Variants in ANKS1B observed in about 807,000 individuals in gnomAD.
The protein encoded by ANKS1B is ankyrin repeat and sterile alpha motif domain containing 1B.
In ANKS1B, 36 loss-of-function variants were observed where a neutral mutation model predicts 148.3. The observed-to-expected ratio is 0.24, with a 90% CI of 0.19 to 0.32. The LOEUF is 0.32. Among genes scored for constraint, ANKS1B ranks in the 10% least tolerant of loss-of-function variants. The pLI is 1.00. For synonymous variants in ANKS1B, 542 were observed against 560.8 expected, an observed-to-expected ratio of 0.97 and a Z score of 0.47; for missense variants, 1,157 against 1,542.6, an observed-to-expected ratio of 0.75 and a Z score of 4.19.
In ANKS1B at chr12:99,213,220, G is replaced by A. The variant is rs576676825; in HGVS notation, c.2419+31122C>T. 1.5e-4 allele frequency among the ~76,000 whole-genome samples: 23 copies of A among 152,292 alleles called. 1 individual carries two copies. The highest frequency in any genetic ancestry group is 1.0e-3 in the South Asian group (5 of 4,828). ...TGGCTATAGCGTCATTTCAGCATCC[G>A]CACGGCCTGCTTCTCTCTACCCAGA... On this transcript the variant is annotated intron_variant, in intron 14 of 26. Transcript: ENST00000683438.
At chr12:99,298,975 C>G (rs2081258798) in intron 12 of ANKS1B, among the ~76,000 whole-genome samples, 1 of 151,890 alleles carries the variant, frequency 6.6e-6, no homozygotes, top group African/African-American at 2.4e-5. Flanking sequence ...TCTGGAAACA[C>G]AAGGCTATAG....
At chr12:98,770,459 T>C (rs1593191114) in intron 25 of ANKS1B, among the ~76,000 whole-genome samples, 1 of 152,240 alleles carries the variant, frequency 6.6e-6, no homozygotes, top group African/African-American at 2.4e-5. Flanking sequence ...TTGTAAACCC[T>C]GAATGAAATG....
chr12:99,016,090 A>G (rs1419154289), intron 17 of ANKS1B, among the ~76,000 whole-genome samples: 1 of 152,196 alleles, frequency 6.6e-6, no homozygotes, highest in African/African-American at 2.4e-5. Flanking sequence ...TCTCAGGTAG[A>G]GTTTTATGAA....
At chr12:99,398,400 T>C (rs1229513484) in intron 12 of ANKS1B, among the ~76,000 whole-genome samples, 1 of 152,176 alleles carries the variant, frequency 6.6e-6, no homozygotes, top group Non-Finnish European at 1.5e-5. Flanking sequence ...AAAGATTATA[T>C]GGAATACTCA....
chr12:99,934,671 G>T (rs572045109), intron 1 of ANKS1B, among the ~76,000 whole-genome samples: 1 of 151,966 alleles, frequency 6.6e-6, no homozygotes, highest in East Asian at 1.9e-4. Context: ...CTGGCTAAAG[G>T]TTTCCCAATT....
intron 9 of ANKS1B, chr12:99,649,162 TATAC>T: frequency 1.3e-6 from 1 of 769,814 alleles, no homozygotes; most frequent in Non-Finnish European, 2.2e-6. Flanking sequence ...TTGCCACTTA[TATAC>T]ATTGGTGGCA....
intron 9 of ANKS1B, among the ~76,000 whole-genome samples, chr12:99,608,606 C>A (rs1007634102): frequency 2.6e-5 from 4 of 151,960 alleles, no homozygotes; most frequent in African/African-American, 9.7e-5. Flanking sequence ...ACCCTTGGTA[C>A]CCCAAATGCC....
intron 1 of ANKS1B, among the ~76,000 whole-genome samples, chr12:99,830,296 ATTGT>A (rs979168745): frequency 6.6e-6 from 1 of 152,212 alleles, no homozygotes; most frequent in African/African-American, 2.4e-5. Context: ...ACACCTAATA[ATTGT>A]TTGTTATCAA....
intron 1 of ANKS1B, among the ~76,000 whole-genome samples, chr12:99,850,316 T>TCTCTCTCTCTCTCTCTCTCTCTCC (rs1237323146): frequency 6.6e-6 from 1 of 151,232 alleles, no homozygotes; most frequent in African/African-American, 2.4e-5. Context: ...TCTCTCTCTC[T>TCTCTCTCTCTCTCTCTCTCTCTCC]CTCACCTACT....
intron 15 of ANKS1B, among the ~76,000 whole-genome samples, chr12:99,100,809 C>T (rs962770893): frequency 1.3e-5 from 2 of 152,212 alleles, no homozygotes; most frequent in African/African-American, 2.4e-5. Context: ...GGATTACAGG[C>T]GTCAGCCACT....
At chr12:99,583,783 T>C (rs1479063706) in intron 9 of ANKS1B, among the ~76,000 whole-genome samples, 1 of 152,224 alleles carries the variant, frequency 6.6e-6, no homozygotes, top group Non-Finnish European at 1.5e-5. Context: ...TATGGTAGGA[T>C]AAGCAACAGA....
At chr12:99,539,217 G>C (rs1033417016) in intron 9 of ANKS1B, among the ~76,000 whole-genome samples, 2 of 152,060 alleles carry the variant, frequency 1.3e-5, no homozygotes, top group African/African-American at 4.8e-5. Context: ...ATATAAGATA[G>C]TATAAATGTA....
intron 12 of ANKS1B, among the ~76,000 whole-genome samples, chr12:99,369,195 C>A (rs2152459784): frequency 6.6e-6 from 1 of 152,236 alleles, no homozygotes; most frequent in African/African-American, 2.4e-5. Flanking sequence ...TAATGTGATG[C>A]AATATAAGGT....
chr12:99,375,896 C>T (rs930996001), intron 12 of ANKS1B, among the ~76,000 whole-genome samples: 5 of 152,152 alleles, frequency 3.3e-5, no homozygotes, highest in African/African-American at 1.2e-4. Context: ...CTCTCTCTTC[C>T]TCTAAATCCA....
intron 12 of ANKS1B, among the ~76,000 whole-genome samples, chr12:99,251,348 T>C (rs1602080212): frequency 6.6e-6 from 1 of 152,368 alleles, no homozygotes; most frequent in South Asian, 2.1e-4. Context: ...TTTGACATAA[T>C]AATCATGTGG....
At chr12:98,842,333 T>C (rs998921578) in intron 17 of ANKS1B, among the ~76,000 whole-genome samples, 3 of 152,170 alleles carry the variant, frequency 2.0e-5, no homozygotes, top group African/African-American at 4.8e-5. Flanking sequence ...CACAAGATGA[T>C]AGAATATTGT....
chr12:99,818,269 G>T (rs2153673824), intron 2 of ANKS1B, among the ~76,000 whole-genome samples: 1 of 151,860 alleles, frequency 6.6e-6, no homozygotes, highest in South Asian at 2.1e-4. Context: ...ATCCACAAAG[G>T]AACACATCGC....
chr12:99,241,370 G>A (rs539276418), intron 14 of ANKS1B, among the ~76,000 whole-genome samples: 1 of 152,242 alleles, frequency 6.6e-6, no homozygotes, highest in Admixed American at 6.5e-5. Context: ...TCTCTGAATA[G>A]ACCAATAACA....
chr12:98,942,420 C>T (rs906986632), intron 17 of ANKS1B, among the ~76,000 whole-genome samples: 4 of 152,180 alleles, frequency 2.6e-5, no homozygotes, highest in African/African-American at 9.7e-5. Context: ...CAAGACCTAT[C>T]TCTGCAAGCA....
Sources: allele counts gnomAD v4.1 joint callset (sites outside exome capture counted in the v4.1 genomes callset), GRCh38; gene constraint gnomAD v4.1.1; transcripts MANE v1.5; gene names NCBI Gene and HGNC (gene_info 2026-07-23, HGNC 2026-07-21).